The following SYBU variants were observed in gnomAD, a reference collection of about 807,000 sequenced individuals.
The protein encoded by SYBU is GOLSYN A protein.
A neutral mutation model predicts 35.9 loss-of-function variants in SYBU; 21 were observed. The ratio of observed to expected loss-of-function variants is 0.58; its 90% confidence interval spans 0.41 to 0.84. The LOEUF (loss-of-function observed/expected upper bound fraction) is 0.84. Ranked by LOEUF, SYBU falls within the 40% of genes least tolerant of loss-of-function variation. The probability of loss-of-function intolerance (pLI) is 0.00; values close to 1 mark genes in which losing one functional copy is unlikely to be tolerated. For synonymous variants in SYBU, 319 were observed against 324.3 expected (o/e 0.98, Z 0.18); for missense variants, 768 against 848.2 (o/e 0.91, Z 1.17).
upstream of SYBU, among the ~76,000 whole-genome samples, chr8:109,681,310 G>C (rs1351579263): frequency 6.6e-6 from 1 of 152,142 alleles, no homozygotes; most frequent in African/African-American, 2.4e-5. Context: ...GTGAAATATA[G>C]ATTAAGCTTA....
At position 109,642,691 on chromosome 8, in the gene SYBU, G is replaced by A. The variant is rs200844400; in HGVS notation, c.229+37C>T. On this transcript the variant is annotated intron_variant, in intron 2 of 6. Transcript: ENST00000276646. ...TTCACAATGCACCTGCAGTGCACAC[G>A]CTTCACGCCTCTGGTGGCCTCCCGA... The A allele has an allele frequency of 1.8e-4, 260 of 1,475,642 alleles. 1 individual carries two copies. The African/African-American group carries it at 3.3e-3, about 19-fold the overall frequency. 91.4% of individuals were successfully genotyped at this position (1,475,642 alleles called of 1,614,324 possible).
At chr8:109,675,607 A>G (rs1817158708) in intron 1 of SYBU, among the ~76,000 whole-genome samples, 1 of 152,332 alleles carries the variant, frequency 6.6e-6, no homozygotes, top group South Asian at 2.1e-4. Flanking sequence ...GAATCCTTGA[A>G]TAGACCAATA....
chr8:109,642,434 T>G (rs1339463493), intron 2 of SYBU, among the ~76,000 whole-genome samples: 1 of 152,106 alleles, frequency 6.6e-6, no homozygotes, highest in African/African-American at 2.4e-5. Flanking sequence ...TCCCAGAAAT[T>G]AAAGTATAAT....
At chr8:109,611,118 AC>A (rs1306596629) in intron 3 of SYBU, among the ~76,000 whole-genome samples, 1 of 152,218 alleles carries the variant, frequency 6.6e-6, no homozygotes, top group African/African-American at 2.4e-5. Context: ...GTTGATAAAT[AC>A]GTTGAATGGT....
intron 1 of SYBU, among the ~76,000 whole-genome samples, chr8:109,661,640 T>C (rs1013689887): frequency 6.6e-6 from 1 of 152,106 alleles, no homozygotes; most frequent in Non-Finnish European, 1.5e-5. Context: ...AACCAGAAAA[T>C]TATGGAGCTG....
At chr8:109,603,042 C>A (rs568584897) in intron 3 of SYBU, among the ~76,000 whole-genome samples, 1 of 152,196 alleles carries the variant, frequency 6.6e-6, no homozygotes, top group Non-Finnish European at 1.5e-5. Flanking sequence ...AGTTCCTGCA[C>A]GCCTGCCTTG....
At chr8:109,626,873 A>ATCT (rs1219427366) in intron 2 of SYBU, among the ~76,000 whole-genome samples, 3 of 152,220 alleles carry the variant, frequency 2.0e-5, no homozygotes, top group Non-Finnish European at 4.4e-5. Flanking sequence ...CTCAAAAATA[A>ATCT]TCTTCTTACA....
intron 1 of SYBU, among the ~76,000 whole-genome samples, chr8:109,669,485 G>C (rs1816897498): frequency 6.6e-6 from 1 of 151,596 alleles, no homozygotes; most frequent in Admixed American, 6.6e-5. Flanking sequence ...ACGTGTTGAA[G>C]TTTAGCTGGT....
chr8:109,639,336 T>C (rs189747687), intron 2 of SYBU, among the ~76,000 whole-genome samples: 1 of 152,296 alleles, frequency 6.6e-6, no homozygotes, highest in East Asian at 1.9e-4. Context: ...CATTACATTA[T>C]CTTTTTTAAA....
intron 3 of SYBU, among the ~76,000 whole-genome samples, chr8:109,606,265 C>T (rs1310902526): frequency 2.0e-5 from 3 of 152,152 alleles, no homozygotes; most frequent in Non-Finnish European, 4.4e-5. Flanking sequence ...CCCTTGACTA[C>T]CAGGCATTGT....
At chr8:109,595,943 A>G (rs759255929) in intron 3 of SYBU, among the ~76,000 whole-genome samples, 10 of 152,216 alleles carry the variant, frequency 6.6e-5, no homozygotes, top group Non-Finnish European at 1.5e-4. Context: ...ATATGCAAAC[A>G]TATTACCTTA....
intron 1 of SYBU, among the ~76,000 whole-genome samples, chr8:109,663,602 A>T (rs1816652635): frequency 6.6e-6 from 1 of 152,112 alleles, no homozygotes; most frequent in South Asian, 2.1e-4. Flanking sequence ...GGCATTTTTT[A>T]TTTCACAATG....
chr8:109,688,703 C>T (rs1326328051), intron 1 of SYBU, among the ~76,000 whole-genome samples: 1 of 150,694 alleles, frequency 6.6e-6, no homozygotes, highest in African/African-American at 2.4e-5. Flanking sequence ...GTTCTGTCAC[C>T]TGAACCACAG....
In SYBU at chr8:109,613,539, C is replaced by G. The variant is rs112301631; in HGVS notation, c.427+5303G>C. ...AGTGGTTAGAAAGTTCTCCTCCCCCCCACCCAATAACACAAAAGTACTTTT... is the reference window on the plus strand; with the variant it reads ...AGTGGTTAGAAAGTTCTCCTCCCCCGCACCCAATAACACAAAAGTACTTTT... On this transcript the variant is annotated intron_variant, in intron 3 of 6. Transcript: ENST00000276646. Among the ~76,000 whole-genome samples, 763 of 152,074 alleles carry G rather than the reference C, an allele frequency of 5.0e-3. 7 individuals are homozygous for G. Among genetic ancestry groups the G allele is most frequent in the African/African-American group, 0.017 (724 of 41,454 alleles).
At chr8:109,610,061 A>G (rs1182599089) in intron 3 of SYBU, among the ~76,000 whole-genome samples, 1 of 151,730 alleles carries the variant, frequency 6.6e-6, no homozygotes, top group Admixed American at 6.6e-5. Flanking sequence ...TCCTTTCCTA[A>G]CTCACCGCTC....
In SYBU at chr8:109,669,069, G is replaced by T. The variant is rs533952012; in HGVS notation, c.-129+11642C>A. ...TTAAAAAGCAACTGATCGGCTGGGC[G>T]TGGTGGCTCACACCTGTAATCCCAG... On this transcript the variant is annotated intron_variant, in intron 1 of 5. Coordinates refer to the SYBU transcript ENST00000408889. Among the ~76,000 whole-genome samples the T allele has an allele frequency of 2.6e-4, 39 of 152,174 alleles. No individual in the cohort carries two copies. The Middle Eastern group carries it at 0.01, about 40-fold the overall frequency.
At chr8:109,579,749 T>C (rs1311181516) in intron 5 of SYBU, 50 bp downstream of exon 5, 1 of 1,529,224 alleles carries the variant, frequency 6.5e-7, no homozygotes, top group South Asian at 1.2e-5. Flanking sequence ...AAAGAAAAGC[T>C]TACCAAGTAG....
At chr8:109,627,361 G>C (rs962104893) in intron 2 of SYBU, among the ~76,000 whole-genome samples, 2 of 152,074 alleles carry the variant, frequency 1.3e-5, no homozygotes, top group Admixed American at 1.3e-4. Flanking sequence ...TAGTTTAATG[G>C]AGACAGATAA....
At chr8:109,656,115 C>CA (rs57337373) in intron 1 of SYBU, among the ~76,000 whole-genome samples, 291 of 143,998 alleles carry the variant, frequency 2.0e-3, no homozygotes, top group South Asian at 3.9e-3. Context: ...GACTCCGTCT[C>CA]AAAAAAAAAA....
Sources: gnomAD v4.1 joint callset for allele counts (sites outside exome capture counted in the v4.1 genomes callset) on GRCh38, gnomAD v4.1.1 for gene constraint, MANE v1.5 for transcripts, NCBI Gene and HGNC (gene_info 2026-07-23, HGNC 2026-07-21) for gene names.